Variants in ENPP1 observed in about 807,000 individuals in gnomAD.
ENPP1 encodes ectonucleotide pyrophosphatase/phosphodiesterase 1.
Under a neutral mutation model 122.8 loss-of-function variants are expected in ENPP1, and 73 were observed. The ratio of observed to expected loss-of-function variants is 0.59; its 90% confidence interval spans 0.49 to 0.72. ENPP1 has a LOEUF of 0.72. Among genes scored for constraint, ENPP1 ranks in the 30% least tolerant of loss-of-function variants. ENPP1 has a pLI of 0.00. For synonymous variants in ENPP1, 367 were observed against 391.6 expected, an observed-to-expected ratio of 0.94 and a Z score of 0.74; for missense variants, 978 against 1,128.1, an observed-to-expected ratio of 0.87 and a Z score of 1.91.
rs1401458842 is a variant in ENPP1, at chr6:131,892,273, G to A, written c.*1762G>A. The stretch of plus-strand genomic sequence containing the variant: ...GGTCTTATTTAAACCTTCTGCTTTA[G>A]CCAACTTTCTCAGATACCACCACAG... On this transcript the variant is annotated 3_prime_UTR_variant, in exon 25 of 25. Transcript: ENST00000647893. The A allele has an allele frequency of 6.6e-6, 1 of 152,062 alleles. No homozygotes were observed. Among genetic ancestry groups the A allele is most frequent in the Non-Finnish European group, 1.5e-5 (1 of 68,008 alleles). The allele number at this position is 152,062 out of a possible 1,614,324, so 9.4% of individuals were successfully genotyped here.
At chr6:131,874,596 G>A (rs773297829) in intron 16 of ENPP1, among the ~76,000 whole-genome samples, 5 of 152,082 alleles carry the variant, frequency 3.3e-5, no homozygotes, top group Non-Finnish European at 7.4e-5. Context: ...CAAAGGGAAT[G>A]TAAATTAGTA....
At chr6:131,808,299 C>A in intron 1 of ENPP1, 24 bp downstream of exon 1, 2 of 1,484,972 alleles carry the variant, frequency 1.3e-6, no homozygotes, top group East Asian at 2.8e-5. Flanking sequence ...CAGGCCCCGG[C>A]GCCCGGGAGG....
At chr6:131,864,083 C>CAT (rs1365418904) in intron 9 of ENPP1, among the ~76,000 whole-genome samples, 1 of 152,150 alleles carries the variant, frequency 6.6e-6, no homozygotes, top group African/African-American at 2.4e-5. Context: ...CAGAGGAAGG[C>CAT]ATATTCAATT....
At chr6:131,886,486 G>A (rs1782378568) in intron 23 of ENPP1, 76 bp from the exon 24 acceptor site, 3 of 1,093,432 alleles carry the variant, frequency 2.7e-6, no homozygotes, top group Middle Eastern at 2.1e-4. Context: ...TGTATTAAAA[G>A]CATGCTCTAC....
chr6:131,851,340 T>A (rs1781879092), intron 4 of ENPP1, 73 bp downstream of exon 4: 5 of 1,595,206 alleles, frequency 3.1e-6, no homozygotes, highest in Non-Finnish European at 4.3e-6. Flanking sequence ...ATAGGTGTTA[T>A]CTTTTATATT....
chr6:131,884,817 ACTTTAT>A, intron 22 of ENPP1, 108 bp from the exon 23 acceptor site: 6 of 1,282,898 alleles, frequency 4.7e-6, no homozygotes, highest in South Asian at 2.4e-5. Flanking sequence ...GCCAAACTTG[ACTTTAT>A]CTTTATTTAC....
rs373096342 is a variant in ENPP1, at chr6:131,814,940, T to TG, written c.240+6666dup. Among the ~76,000 whole-genome samples the TG allele has an allele frequency of 1.7e-3, 260 of 152,332 alleles. 1 individual carries two copies. Among genetic ancestry groups the TG allele is most frequent in the Middle Eastern group, 0.01 (3 of 294 alleles). Reference sequence around the variant, plus strand: ...GCTTGAATGAATGTACTGCATTTTTTGTTAGACTGAGCCACACTTTGATTT... The same window carrying TG: ...GCTTGAATGAATGTACTGCATTTTTTGGTTAGACTGAGCCACACTTTGATTT... On this transcript the variant is annotated intron_variant, in intron 1 of 24. Coordinates refer to ENST00000647893, the MANE Select transcript of ENPP1 (RefSeq NM_006208.3).
chr6:131,808,881 G>T (rs1781315465), intron 1 of ENPP1, among the ~76,000 whole-genome samples: 1 of 152,154 alleles, frequency 6.6e-6, no homozygotes, highest in Non-Finnish European at 1.5e-5. Flanking sequence ...AGGCTACACG[G>T]TTTGTGTTGC....
intron 1 of ENPP1, among the ~76,000 whole-genome samples, chr6:131,834,137 A>G (rs1028993279): frequency 6.6e-5 from 10 of 152,244 alleles, no homozygotes; most frequent in Non-Finnish European, 1.5e-4. Context: ...TTGACCTTTA[A>G]CTTCAGAGAG....
At chr6:131,889,967 A>G (rs190822279) in intron 24 of ENPP1, among the ~76,000 whole-genome samples, 3 of 149,880 alleles carry the variant, frequency 2.0e-5, no homozygotes, top group Non-Finnish European at 4.5e-5. Context: ...TTGTTTTTTG[A>G]CTTTTTAATA....
chr6:131,865,607 C>A lies in ENPP1; in HGVS notation c.1164+669C>A, dbSNP rs556766775. Among the ~76,000 whole-genome samples, 33 of 152,236 alleles carry A rather than the reference C, an allele frequency of 2.2e-4. No individual in the cohort carries two copies. The South Asian group carries it at 6.4e-3, about 30-fold the overall frequency. On this transcript the variant is annotated intron_variant, in intron 11 of 24. Coordinates refer to ENST00000647893, the MANE Select transcript of ENPP1 (RefSeq NM_006208.3). ...AACACTGCTTTCAGTTTTCACGTGG[C>A]CATATCATTTTTGTTACCATTTTAA... is the stretch of plus-strand genomic sequence containing the variant.
At position 131,893,868 on chromosome 6, in the gene ENPP1, A is replaced by G. The variant is rs571493976; in HGVS notation, c.*3357A>G. 1 of 152,002 alleles carries G rather than the reference A, an allele frequency of 6.6e-6. No individual in the cohort carries two copies. The highest frequency in any genetic ancestry group is 2.1e-4 in the South Asian group (1 of 4,816). The allele number at this position is 152,002 out of a possible 1,614,324, so 9.4% of individuals were successfully genotyped here. ...GTAAATTCCCATGAACATATATGGA[A>G]ATGTCTTTATCCTACTTTCTCCAAT... On this transcript the variant is annotated 3_prime_UTR_variant, in exon 25 of 25. Coordinates refer to ENST00000647893, the MANE Select transcript of ENPP1 (RefSeq NM_006208.3).
chr6:131,886,277 T>C (rs965788019), intron 23 of ENPP1, among the ~76,000 whole-genome samples: 1 of 152,204 alleles, frequency 6.6e-6, no homozygotes, highest in African/African-American at 2.4e-5. Context: ...TTCTTTTCTT[T>C]AGTGTTTCAA....
chr6:131,852,260 A>T, intron 5 of ENPP1, 25 bp downstream of exon 5: 6 of 1,510,532 alleles, frequency 4.0e-6, no homozygotes, highest in South Asian at 1.1e-5. Context: ...TGAGGTATTA[A>T]TTTTTTCTTT....
Position 131,893,949 on chromosome 6 carries a change from C to CTTTTTTT in ENPP1, c.*3462_*3468dup, listed in dbSNP as rs564304453. The CTTTTTTT allele has an allele frequency of 4.3e-3, 254 of 59,536 alleles. 2 individuals carry two copies. Among genetic ancestry groups the CTTTTTTT allele is most frequent in the Non-Finnish European group, 6.4e-3 (210 of 32,676 alleles). The allele number at this position is 59,536 out of a possible 1,614,324, so 3.7% of individuals were successfully genotyped here. On this transcript the variant is annotated 3_prime_UTR_variant, in exon 25 of 25. Coordinates refer to ENST00000647893, the MANE Select transcript of ENPP1 (RefSeq NM_006208.3). ...GTGAAACCTTTATTTATCTTGATTT[C>CTTTTTTT]TTTTTTTTTTTTTTTTTTTTTTTTT...
At chr6:131,884,575 CAGCCTGGGA>C (rs1782352589) in intron 22 of ENPP1, among the ~76,000 whole-genome samples, 1 of 152,142 alleles carries the variant, frequency 6.6e-6, no homozygotes, top group African/African-American at 2.4e-5. Flanking sequence ...AGTTCAAGAT[CAGCCTGGGA>C]AACAGTGAGA....
chr6:131,808,349 C>G, intron 1 of ENPP1, 74 bp downstream of exon 1: 1 of 1,405,150 alleles, frequency 7.1e-7, no homozygotes, highest in Non-Finnish European at 9.4e-7. Flanking sequence ...CTCCTGCGCT[C>G]TCAGCGCAGT....
chr6:131,812,758 C>T (rs989713073), intron 1 of ENPP1, among the ~76,000 whole-genome samples: 1 of 152,098 alleles, frequency 6.6e-6, no homozygotes. Flanking sequence ...AGACATAAAT[C>T]AGTACATGAA....
chr6:131,842,047 C>G (rs774352862), intron 1 of ENPP1, among the ~76,000 whole-genome samples: 2 of 152,140 alleles, frequency 1.3e-5, no homozygotes, highest in Non-Finnish European at 2.9e-5. Flanking sequence ...CCACTCCTAC[C>G]TGCCTCCTTT....
Sources: gnomAD v4.1 joint callset for allele counts (sites outside exome capture counted in the v4.1 genomes callset) on GRCh38, gnomAD v4.1.1 for gene constraint, MANE v1.5 for transcripts, NCBI Gene and HGNC (gene_info 2026-07-23, HGNC 2026-07-21) for gene names.